The following WDR1 variants were observed in gnomAD, a reference collection of about 807,000 sequenced individuals.
WDR1 encodes the protein WD repeat-containing protein 1.
Under a neutral mutation model 71.9 loss-of-function variants are expected in WDR1, and 21 were observed. That is an observed-to-expected ratio of 0.29 (90% CI 0.21 to 0.42). The LOEUF is 0.42. Ranked by LOEUF, WDR1 falls within the 10% of genes least tolerant of loss-of-function variation. The pLI is 1.00. For synonymous variants in WDR1, 424 were observed against 347.4 expected, an observed-to-expected ratio of 1.22 and a Z score of -2.45; for missense variants, 696 against 824.5, an observed-to-expected ratio of 0.84 and a Z score of 1.91.
At chr4:10,078,682 G>T in intron 12 of WDR1, 1 of 516,900 alleles carries the variant, frequency 1.9e-6, no homozygotes, top group South Asian at 2.4e-5. Context: ...TGGGGGAAGT[G>T]CCGAGGAGGG....
chr4:10,116,021 T>A, intron 2 of WDR1, 92 bp downstream of exon 2: 3 of 1,500,494 alleles, frequency 2.0e-6, no homozygotes, highest in Non-Finnish European at 2.7e-6. Flanking sequence ...CCCGGGCCAA[T>A]GGGCAGGAGG....
chr4:10,103,819 A>G, intron 3 of WDR1, 77 bp downstream of exon 3: 1 of 892,424 alleles, frequency 1.1e-6, no homozygotes. Context: ...CCAAGGCCAG[A>G]AGCCCAGCTT....
chr4:10,077,080 C>T, intron 14 of WDR1: 1 of 574,382 alleles, frequency 1.7e-6, no homozygotes, highest in South Asian at 2.3e-5. Context: ...TCACTCAGCT[C>T]AGCAGGTGTC....
At chr4:10,109,675 G>T (rs995062304) in intron 2 of WDR1, among the ~76,000 whole-genome samples, 2 of 152,202 alleles carry the variant, frequency 1.3e-5, no homozygotes, top group African/African-American at 4.8e-5. Flanking sequence ...CGTGTGAGCG[G>T]GACACCACCA....
chr4:10,108,064 G>A (rs770070560), intron 2 of WDR1, among the ~76,000 whole-genome samples: 9 of 151,770 alleles, frequency 5.9e-5, no homozygotes, highest in South Asian at 2.1e-4. Flanking sequence ...ACTCCCCCCC[G>A]GCACCTGTAC....
chr4:10,110,947 TGGCTTAG>T (rs1472691361), intron 2 of WDR1, among the ~76,000 whole-genome samples: 1 of 152,218 alleles, frequency 6.6e-6, no homozygotes, highest in African/African-American at 2.4e-5. Context: ...TGGTCCTCTG[TGGCTTAG>T]GGTATGGCTT....
chr4:10,115,401 T>C (rs913226264), intron 2 of WDR1, among the ~76,000 whole-genome samples: 4 of 152,218 alleles, frequency 2.6e-5, no homozygotes, highest in East Asian at 1.9e-4. Context: ...GAATGATTCA[T>C]GGGAAAACAC....
chr4:10,099,164 G>T (rs752638647), intron 3 of WDR1, 25 bp from the exon 4 acceptor site: 17 of 1,412,102 alleles, frequency 1.2e-5, no homozygotes, highest in Non-Finnish European at 1.5e-5. Context: ...GGGCGGGGGA[G>T]GGGGGGAGGC....
At chr4:10,092,142 T>C (rs995936732) in intron 5 of WDR1, 1 of 151,940 alleles carries the variant, frequency 6.6e-6, no homozygotes, top group Non-Finnish European at 1.5e-5. Context: ...TGAGCTTCCT[T>C]GAAGTGCAGT....
intron 8 of WDR1, among the ~76,000 whole-genome samples, chr4:10,086,890 G>A (rs1039147409): frequency 6.6e-6 from 1 of 152,188 alleles, no homozygotes; most frequent in African/African-American, 2.4e-5. Flanking sequence ...TGGGAAGCAG[G>A]CGAGGGCGCT....
chr4:10,108,997 C>T (rs1329261222), intron 2 of WDR1, among the ~76,000 whole-genome samples: 1 of 152,254 alleles, frequency 6.6e-6, no homozygotes, highest in Non-Finnish European at 1.5e-5. Flanking sequence ...CTGCCAAATA[C>T]CGACAAAGAC....
chr4:10,075,040 G>C lies in WDR1; in HGVS notation c.*338C>G, dbSNP rs1195437129. ...TACAACCTCCCCTGACAGATAGTGA[G>C]AGCCGCGGCGGGGCCAGGGGCTCTG... On this transcript the variant is annotated 3_prime_UTR_variant, in exon 15 of 15. Coordinates refer to ENST00000499869, the MANE Select transcript of WDR1 (RefSeq NM_017491.5). 7 of 393,552 alleles carry C rather than the reference G, an allele frequency of 1.8e-5. No homozygotes were observed. In the Admixed American group the frequency reaches 2.1e-4, roughly 12 times the overall value. 24.4% of individuals were successfully genotyped at this position (393,552 alleles called of 1,614,324 possible).
rs1764826479 is a variant in WDR1 at position 10,077,084 on chromosome 4, AGGTGTCCTGTGCAT to A, written c.1714+206_1714+219del. ...AAGTGAGGCCTTCACTCAGCTCAGCAGGTGTCCTGTGCATGGGGCCCCCGTGGTCCCTCAGTACG... is the reference window on the plus strand; with the variant it reads ...AAGTGAGGCCTTCACTCAGCTCAGCAGGGGCCCCCGTGGTCCCTCAGTACG... On this transcript the variant is annotated intron_variant, in intron 14 of 14. Transcript: ENST00000499869. 7 of 583,184 alleles carry A rather than the reference AGGTGTCCTGTGCAT, an allele frequency of 1.2e-5. No individual in the cohort carries two copies. The East Asian group carries it at 2.0e-4, about 17-fold the overall frequency. The allele number at this position is 583,184 out of a possible 1,614,324, so 36.1% of individuals were successfully genotyped here.
chr4:10,087,218 A>G (rs1242790287), intron 8 of WDR1, among the ~76,000 whole-genome samples: 1 of 152,080 alleles, frequency 6.6e-6, no homozygotes, highest in Non-Finnish European at 1.5e-5. Flanking sequence ...CCTGCCCACC[A>G]CATTCAAACT....
chr4:10,100,377 C>G (rs946033884), intron 3 of WDR1, among the ~76,000 whole-genome samples: 2 of 152,174 alleles, frequency 1.3e-5, no homozygotes. Context: ...GTAGGTTCCA[C>G]GAGTTAACAC....
intron 5 of WDR1, chr4:10,092,755 C>G (rs372214526): frequency 1.1e-5 from 3 of 275,470 alleles, no homozygotes; most frequent in South Asian, 3.4e-5. Flanking sequence ...CACGGAGGCC[C>G]GGCCAGTGAA....
At chr4:10,098,171 C>A (rs1354865657) in intron 4 of WDR1, among the ~76,000 whole-genome samples, 1 of 152,192 alleles carries the variant, frequency 6.6e-6, no homozygotes, top group Non-Finnish European at 1.5e-5. Context: ...GGGCCCAGGG[C>A]TATCTTTACA....
intron 2 of WDR1, among the ~76,000 whole-genome samples, chr4:10,113,786 G>A (rs933555811): frequency 2.0e-5 from 3 of 152,366 alleles, no homozygotes; most frequent in East Asian, 3.9e-4. Flanking sequence ...AAAATGTGGC[G>A]CAGTAGCGAA....
At chr4:10,114,745 G>C (rs921761650) in intron 2 of WDR1, among the ~76,000 whole-genome samples, 12 of 152,192 alleles carry the variant, frequency 7.9e-5, no homozygotes, top group Non-Finnish European at 1.2e-4. Flanking sequence ...CCAGTTCTAA[G>C]CAAGGCCCTT....
Sources: allele counts gnomAD v4.1 joint callset (sites outside exome capture counted in the v4.1 genomes callset), GRCh38; gene constraint gnomAD v4.1.1; transcripts MANE v1.5; gene names NCBI Gene and HGNC (gene_info 2026-07-23, HGNC 2026-07-21).